SOX5: variants seen among roughly 807,000 people sequenced by gnomAD.
SOX5 encodes transcription factor SOX-5.
A neutral mutation model predicts 92.0 loss-of-function variants in SOX5; 9 were observed. The ratio of observed to expected loss-of-function variants is 0.10; its 90% CI spans 0.06 to 0.17. The LOEUF is 0.17. Ranked by LOEUF, SOX5 falls within the 10% of genes least tolerant of loss-of-function variation. The pLI, the probability that SOX5 is intolerant of heterozygous loss-of-function variation, is 1.00. For synonymous variants in SOX5, 344 were observed against 336.3 expected (o/e 1.02, Z -0.25); for missense variants, 642 against 944.5 (o/e 0.68, Z 4.20).
At chr12:24,193,875 A>G (rs949024610) in intron 4 of SOX5, among the ~76,000 whole-genome samples, 1 of 152,204 alleles carries the variant, frequency 6.6e-6, no homozygotes, top group Non-Finnish European at 1.5e-5. Flanking sequence ...CAAAACAGTC[A>G]CTAACAGTCA....
At chr12:24,289,844 G>A (rs1946418312) in intron 2 of SOX5, among the ~76,000 whole-genome samples, 1 of 152,180 alleles carries the variant, frequency 6.6e-6, no homozygotes, top group Admixed American at 6.5e-5. Flanking sequence ...AGTATCACAA[G>A]GATAATGTCT....
chr12:24,224,077 C>G (rs1358618201), intron 3 of SOX5, among the ~76,000 whole-genome samples: 1 of 152,168 alleles, frequency 6.6e-6, no homozygotes, highest in Non-Finnish European at 1.5e-5. Flanking sequence ...ATTGTTGTTT[C>G]GCTGGAAGGA....
Position 23,534,288 on chromosome 12 carries a change from C to T in SOX5, c.2223G>A (p.Glu741=). ...AATCTACATCTGGATCATCCTCTTC[C>T]TCGTCGTACTCATCATAAATTTCTC... ...INGEIYDEYD[E]EEDDPDVDYG... is the part of the protein sequence containing the mutation. The change falls in exon 15 of 15, where the codon GAG becomes GAA. Residue 741 remains glutamate, a synonymous_variant. Transcript: ENST00000451604. 6.2e-7 allele frequency: 1 copy of T among 1,614,140 alleles called. No homozygotes were observed. Among genetic ancestry groups the T allele is most frequent in the Non-Finnish European group, 8.5e-7 (1 of 1,179,992 alleles).
chr12:24,167,146 C>T (rs776846717), intron 4 of SOX5, among the ~76,000 whole-genome samples: 2 of 152,138 alleles, frequency 1.3e-5, no homozygotes, highest in Non-Finnish European at 2.9e-5. Context: ...ACGACAAGGA[C>T]CAAAATGTTA....
intron 2 of SOX5, among the ~76,000 whole-genome samples, chr12:24,345,631 C>T (rs939856): frequency 0.43 from 65,367 of 151,926 alleles, 16,168 homozygotes; most frequent in Non-Finnish European, 0.58. Flanking sequence ...ATACTCCCAA[C>T]GGAAAAGTAT....
chr12:23,628,870 C>T (rs1417804812), intron 8 of SOX5, among the ~76,000 whole-genome samples: 1 of 151,758 alleles, frequency 6.6e-6, no homozygotes, highest in East Asian at 1.9e-4. Flanking sequence ...TGTGAAGACA[C>T]TTGCCAACCA....
intron 3 of SOX5, among the ~76,000 whole-genome samples, chr12:23,800,688 T>G (rs887750164): frequency 2.6e-5 from 4 of 152,128 alleles, no homozygotes; most frequent in African/African-American, 4.8e-5. Context: ...TCTAAAGTAC[T>G]ACATTTGGGG....
At chr12:24,390,264 C>T (rs1466473360) in intron 1 of SOX5, among the ~76,000 whole-genome samples, 5 of 152,162 alleles carry the variant, frequency 3.3e-5, no homozygotes, top group Non-Finnish European at 5.9e-5. Context: ...GGGTGATTAT[C>T]TCATTGGTTA....
At chr12:23,825,255 G>A (rs1024017969) in intron 3 of SOX5, among the ~76,000 whole-genome samples, 5 of 152,320 alleles carry the variant, frequency 3.3e-5, no homozygotes, top group East Asian at 3.9e-4. Flanking sequence ...TGCAGGTTGC[G>A]AAGACCATGG....
At chr12:23,685,529 G>T (rs1489163915) in intron 6 of SOX5, among the ~76,000 whole-genome samples, 1 of 151,870 alleles carries the variant, frequency 6.6e-6, no homozygotes, top group African/African-American at 2.4e-5. Flanking sequence ...TTATCCAAAG[G>T]TTCTAAATGC....
chr12:23,575,079 T>A (rs904204665), intron 10 of SOX5, among the ~76,000 whole-genome samples: 2 of 152,232 alleles, frequency 1.3e-5, no homozygotes, highest in African/African-American at 4.8e-5. Flanking sequence ...TATGCTGAAA[T>A]TAAAATCATT....
chr12:23,573,439 T>C (rs969119900), intron 10 of SOX5, among the ~76,000 whole-genome samples: 6 of 152,192 alleles, frequency 3.9e-5, no homozygotes, highest in Non-Finnish European at 7.3e-5. Context: ...CTGCAGAAGG[T>C]GCACTATTAA....
chr12:23,838,697 A>C (rs2096466914), intron 3 of SOX5, among the ~76,000 whole-genome samples: 2 of 152,096 alleles, frequency 1.3e-5, no homozygotes, highest in South Asian at 4.1e-4. Flanking sequence ...TAAAATAAAA[A>C]CATTCTCATG....
intron 4 of SOX5, among the ~76,000 whole-genome samples, chr12:24,175,009 A>G (rs1013024112): frequency 6.6e-6 from 1 of 152,216 alleles, no homozygotes; most frequent in Admixed American, 6.5e-5. Context: ...TGTTTTGATT[A>G]TGAGGCATCC....
intron 11 of SOX5, among the ~76,000 whole-genome samples, chr12:23,558,983 G>A (rs1221518121): frequency 6.6e-6 from 1 of 152,170 alleles, no homozygotes; most frequent in African/African-American, 2.4e-5. Context: ...TGACAGTAAA[G>A]GCACAGTCTT....
Position 24,292,941 on chromosome 12 carries a change from G to A in SOX5, c.-173-15629C>T, listed in dbSNP as rs79604356. 7.4e-3 allele frequency among the ~76,000 whole-genome samples: 1,132 copies of A among 152,210 alleles called. 12 individuals are homozygous for A. The highest frequency in any genetic ancestry group is 0.026 in the African/African-American group (1,095 of 41,528). On this transcript the variant is annotated intron_variant, in intron 2 of 4. Coordinates refer to the SOX5 transcript ENST00000446891. ...CTGGTGTTATACTCTCAAGTGAGTCGGCTGTAGGATTATTCCTGGGAGACA... is the reference window on the plus strand; with the variant it reads ...CTGGTGTTATACTCTCAAGTGAGTCAGCTGTAGGATTATTCCTGGGAGACA...
At chr12:23,976,390 T>TAAAAAAAAAA (rs1327142180) in intron 4 of SOX5, among the ~76,000 whole-genome samples, 4 of 111,576 alleles carry the variant, frequency 3.6e-5, no homozygotes, top group African/African-American at 1.1e-4. Context: ...TGAACACTAT[T>TAAAAAAAAAA]AAAAAAACAA....
chr12:24,312,745 C>T (rs1949313421), intron 2 of SOX5, among the ~76,000 whole-genome samples: 1 of 152,064 alleles, frequency 6.6e-6, no homozygotes, highest in Non-Finnish European at 1.5e-5. Flanking sequence ...AAATAAATTG[C>T]TTTTAAAACT....
rs1224542564 is a variant in SOX5 at position 23,640,841 on chromosome 12, T to C, written c.988A>G (p.Thr330Ala). 6.2e-7 allele frequency: 1 copy of C among 1,614,052 alleles called. No individual in the cohort carries two copies. Among genetic ancestry groups the C allele is most frequent in the Admixed American group, 1.7e-5 (1 of 60,014 alleles). The part of the protein sequence containing the change: ...PTTMAAAAAA[T>A]PGLGPLQLQQ... ...AGTTGGAGTGGGCCTAAGCCTGGTGTTGCTGCGGCAGCAGCTGCCATGGTA... is the reference window on the plus strand; with the variant it reads ...AGTTGGAGTGGGCCTAAGCCTGGTGCTGCTGCGGCAGCAGCTGCCATGGTA... Residue 330 changes from threonine (T) to alanine (A), a missense_variant, in exon 8 of 15, where the codon ACA becomes GCA. Physicochemically the swap from Thr to Ala is moderately conservative, Grantham distance 58. Transcript: ENST00000451604.
Sources: allele counts gnomAD v4.1 joint callset (sites outside exome capture counted in the v4.1 genomes callset), GRCh38; gene constraint gnomAD v4.1.1; transcripts MANE v1.5; gene names NCBI Gene and HGNC (gene_info 2026-07-23, HGNC 2026-07-21).